Variants in PIGA observed in about 807,000 individuals in gnomAD.
The protein encoded by PIGA is phosphatidylinositol glycan anchor biosynthesis class A, also known as phosphatidylinositol N-acetylglucosaminyltransferase subunit A.
In PIGA, 3 loss-of-function variants were observed where a neutral mutation model predicts 17.1. That is an observed-to-expected ratio of 0.18 (90% CI 0.08 to 0.45). The LOEUF is 0.45. Ranked by LOEUF, PIGA falls within the 20% of genes least tolerant of loss-of-function variation. The pLI, the probability that PIGA is intolerant of heterozygous loss-of-function variation, is 0.99. For missense variants in PIGA, 231 were observed against 374.1 expected, an observed-to-expected ratio of 0.62 and a Z score of 3.16; for synonymous variants, 126 against 135.1, an observed-to-expected ratio of 0.93 and a Z score of 0.47.
intron 3 of PIGA, chrX:15,325,369 T>G (rs1460370039): frequency 3.7e-6 from 1 of 273,116 alleles, no homozygotes; most frequent in Non-Finnish European, 6.5e-6. Context: ...ATTTCTAACT[T>G]TTGTTACACA....
intron 2 of PIGA, among the ~76,000 whole-genome samples, chrX:15,330,173 T>C (rs1483539693): frequency 2.7e-5 from 3 of 111,859 alleles, no homozygotes; most frequent in African/African-American, 9.7e-5. Flanking sequence ...CACTGAACCC[T>C]TGCGAGGTTC....
At chrX:15,333,146 C>T (rs1041074720) in intron 1 of PIGA, among the ~76,000 whole-genome samples, 1 of 111,772 alleles carries the variant, frequency 8.9e-6, no homozygotes, top group African/African-American at 3.3e-5. Flanking sequence ...AGAGTAGCTA[C>T]AACAGAGACC....
At position 15,331,315 on chromosome X, in the gene PIGA, T is replaced by C. The variant is rs201119959; in HGVS notation, c.616A>G (p.Ile206Val). 6.6e-6 allele frequency: 8 copies of C among 1,204,690 alleles called. No individual in the cohort carries two copies. Among genetic ancestry groups the C allele is most frequent in the Admixed American group, 6.6e-5 (3 of 45,798 alleles). The stretch of plus-strand genomic sequence containing the variant: ...TCAGTAGGATCTACAGCATTAGGAA[T>C]GACGGACACTATTTCAGGATTCAGT... ...AALNPEIVSVIPNAVDPTDFT... is the reference protein window; with the variant it reads ...AALNPEIVSVVPNAVDPTDFT... The change falls in exon 2 of 6, where the codon ATT (isoleucine) becomes GTT (valine). Residue 206 changes from isoleucine to valine, a missense_variant. Coordinates refer to ENST00000333590, the MANE Select transcript of PIGA (RefSeq NM_002641.4).
intron 5 of PIGA, among the ~76,000 whole-genome samples, chrX:15,322,538 T>C (rs1309398928): frequency 1.8e-5 from 2 of 112,121 alleles, no homozygotes; most frequent in Non-Finnish European, 3.8e-5. Context: ...AACATACTTG[T>C]TCAGAACACA....
At chrX:15,331,164 C>G in intron 2 of PIGA, 52 bp downstream of exon 2, 1 of 897,969 alleles carries the variant, frequency 1.1e-6, no homozygotes, top group Non-Finnish European at 1.6e-6. Context: ...TATTCAACAG[C>G]TTTCTATAGG....
At chrX:15,334,800 A>G (rs1396374752) in intron 1 of PIGA, among the ~76,000 whole-genome samples, 1 of 112,397 alleles carries the variant, frequency 8.9e-6, no homozygotes, top group Non-Finnish European at 1.9e-5. Context: ...CATCTTTGAC[A>G]TAAAAGTTCA....
chrX:15,333,656 G>A (rs764607688), intron 1 of PIGA, among the ~76,000 whole-genome samples: 24 of 112,341 alleles, frequency 2.1e-4, no homozygotes, highest in Non-Finnish European at 2.4e-4. Context: ...ACTCCAGCCA[G>A]GGTGACACAG....
intron 1 of PIGA, among the ~76,000 whole-genome samples, chrX:15,332,663 T>C (rs1040732804): frequency 1.8e-5 from 2 of 112,329 alleles, no homozygotes; most frequent in African/African-American, 6.5e-5. Flanking sequence ...GTGAAAGTGA[T>C]GTGCAAATTT....
rs954223497 is a variant in PIGA, at chrX:15,335,505, G to A, written c.-67C>T. 1.0e-6 allele frequency: 1 copy of A among 979,018 alleles called. No individual in the cohort carries two copies. 80.7% of individuals were successfully genotyped at this position (979,018 alleles called of 1,213,427 possible). A position where few individuals can be genotyped will look rare whatever the true frequency, so the allele number is the denominator to read the frequency against. ...GGCGGCGCGACGCGCACTCACCGGT[G>A]AGTTCCATGGCCGCCAGTGTCCGGA... On this transcript the variant is annotated 5_prime_UTR_variant, in exon 1 of 6. Transcript: ENST00000333590.
intron 3 of PIGA, 199 bp from the exon 4 acceptor site, chrX:15,325,351 C>T: frequency 3.4e-6 from 1 of 293,801 alleles, no homozygotes; most frequent in Non-Finnish European, 6.0e-6. Flanking sequence ...ACTCATACAG[C>T]GAACATTATT....
chrX:15,329,768 T>C (rs1922095409), intron 2 of PIGA, among the ~76,000 whole-genome samples: 1 of 111,411 alleles, frequency 9.0e-6, no homozygotes, highest in Admixed American at 9.5e-5. Flanking sequence ...GCAGTGTCCA[T>C]TAAGTGCTGT....
chrX:15,324,579 T>C (rs1921913590), intron 5 of PIGA, 86 bp downstream of exon 5: 2 of 686,487 alleles, frequency 2.9e-6, no homozygotes, highest in South Asian at 2.6e-5. Context: ...ACAAAAATGG[T>C]AAACATCTAT....
chrX:15,323,730 A>T (rs1448212689), intron 5 of PIGA, among the ~76,000 whole-genome samples: 3 of 112,193 alleles, frequency 2.7e-5, no homozygotes, highest in African/African-American at 9.7e-5. Context: ...CAAGTAAGAA[A>T]GCCTTACAGT....
intron 1 of PIGA, among the ~76,000 whole-genome samples, chrX:15,332,710 G>A (rs1922204490): frequency 8.9e-6 from 1 of 112,198 alleles, no homozygotes; most frequent in African/African-American, 3.2e-5. Context: ...TGATTTCCAA[G>A]GTGTGGTGGT....
rs1217229944 is a variant in PIGA, at chrX:15,319,557, A to G, written c.*1949T>C. On this transcript the variant is annotated 3_prime_UTR_variant, in exon 6 of 6. Coordinates refer to ENST00000333590, the MANE Select transcript of PIGA (RefSeq NM_002641.4). The stretch of plus-strand genomic sequence containing the variant: ...TTTGAAACATCAAAAGAAATACAAT[A>G]TATTTTTCACAAATTTCTCATCACT... The G allele has an allele frequency of 4.5e-5, 5 of 112,164 alleles. No individual in the cohort carries two copies. The highest frequency in any genetic ancestry group is 1.9e-4 in the Admixed American group (2 of 10,571). The allele number at this position is 112,164 out of a possible 1,213,427, so 9.2% of individuals were successfully genotyped here.
At chrX:15,324,394 T>C (rs1405896297) in intron 5 of PIGA, among the ~76,000 whole-genome samples, 1 of 112,533 alleles carries the variant, frequency 8.9e-6, no homozygotes, top group African/African-American at 3.2e-5. Flanking sequence ...CTACTCATTG[T>C]GACTTTTAGA....
chrX:15,324,803 A>C lies in PIGA; in HGVS notation c.1050T>G (p.Pro350=). 1 of 1,209,627 alleles carries C rather than the reference A, an allele frequency of 8.3e-7. No homozygotes were observed. The highest frequency in any genetic ancestry group is 1.8e-5 in the South Asian group (1 of 56,930). ...LPENLIILCE[P]SVKSLCEGLE... ...ATCCTTCACACAAAGATTTTACTGA[A>C]GGCTCACATAAAATAATAAGGTTTT... The change falls in exon 5 of 6, where the codon CCT becomes CCG. Residue 350 remains proline, a synonymous_variant. Coordinates refer to ENST00000333590, the MANE Select transcript of PIGA (RefSeq NM_002641.4).
chrX:15,329,749 C>T (rs1363499743), intron 2 of PIGA, among the ~76,000 whole-genome samples: 1 of 111,312 alleles, frequency 9.0e-6, no homozygotes, highest in Non-Finnish European at 1.9e-5. Context: ...AGCCTCCACA[C>T]ATTCAACTGC....
At chrX:15,327,648 G>A (rs1922024777) in intron 2 of PIGA, 2 of 111,864 alleles carry the variant, frequency 1.8e-5, no homozygotes, top group Non-Finnish European at 3.8e-5. Flanking sequence ...AAACCAGAAG[G>A]TAGTTTAATG....
Sources: gnomAD v4.1 joint callset for allele counts (sites outside exome capture counted in the v4.1 genomes callset) on GRCh38, gnomAD v4.1.1 for gene constraint, MANE v1.5 for transcripts, NCBI Gene and HGNC (gene_info 2026-07-23, HGNC 2026-07-21) for gene names.